SLX4IP: variants seen among roughly 807,000 people sequenced by gnomAD.
SLX4IP encodes the protein SLX4 interacting protein.
A neutral mutation model predicts 32.9 loss-of-function variants in SLX4IP; 34 were observed. That is an observed-to-expected ratio of 1.03 (90% CI 0.79 to 1.38). The LOEUF (loss-of-function observed/expected upper bound fraction) is 1.38, where lower values mean the gene tolerates loss of function less well. Ranked by LOEUF, SLX4IP falls within the 40% of genes most tolerant of loss-of-function variation. The pLI is 0.00. For missense variants in SLX4IP, 444 were observed against 479.0 expected, an observed-to-expected ratio of 0.93 and a Z score of 0.68; for synonymous variants, 172 against 171.7, an observed-to-expected ratio of 1.00 and a Z score of -0.01.
intron 1 of SLX4IP, among the ~76,000 whole-genome samples, chr20:10,437,029 C>CAGCA (rs761352210): frequency 5.9e-5 from 9 of 151,974 alleles, no homozygotes; most frequent in Admixed American, 2.6e-4. Flanking sequence ...TGCATGTGGA[C>CAGCA]AGCAGTTCAA....
chr20:10,587,068 G>T (rs926586512), intron 4 of SLX4IP, among the ~76,000 whole-genome samples: 2 of 151,454 alleles, frequency 1.3e-5, no homozygotes, highest in African/African-American at 4.8e-5. Context: ...AAAAAGAAAA[G>T]AAAAAAACAG....
At chr20:10,504,256 T>C (rs2065741009) in intron 2 of SLX4IP, among the ~76,000 whole-genome samples, 1 of 152,154 alleles carries the variant, frequency 6.6e-6, no homozygotes. Flanking sequence ...GAGACAAGCA[T>C]ACCTTCTGTC....
chr20:10,523,503 GATTA>G (rs2065916362), intron 2 of SLX4IP, among the ~76,000 whole-genome samples: 2 of 152,198 alleles, frequency 1.3e-5, no homozygotes, highest in African/African-American at 4.8e-5. Context: ...TATGGAAGAA[GATTA>G]ATTATAAGAT....
intron 2 of SLX4IP, among the ~76,000 whole-genome samples, chr20:10,549,695 T>G (rs1408344401): frequency 6.6e-6 from 1 of 152,230 alleles, no homozygotes; most frequent in Non-Finnish European, 1.5e-5. Context: ...ACTCACTGCC[T>G]GTGTAATCTT....
chr20:10,535,761 C>T (rs6131105), intron 2 of SLX4IP, among the ~76,000 whole-genome samples: 9 of 152,238 alleles, frequency 5.9e-5, no homozygotes, highest in Non-Finnish European at 1.2e-4. Flanking sequence ...ATCCTCACCC[C>T]TTCACCCAGG....
At chr20:10,470,767 T>C (rs1175358644) in intron 2 of SLX4IP, among the ~76,000 whole-genome samples, 2 of 152,256 alleles carry the variant, frequency 1.3e-5, no homozygotes, top group Non-Finnish European at 2.9e-5. Context: ...CTGATTAGTA[T>C]TGAGATCATG....
intron 6 of SLX4IP, chr20:10,613,681 T>G: frequency 6.2e-7 from 1 of 1,613,836 alleles, no homozygotes; most frequent in South Asian, 1.1e-5. Context: ...GTTGATTCTT[T>G]GACAAAGGCG....
At chr20:10,478,817 C>A in intron 2 of SLX4IP, among the ~76,000 whole-genome samples, 1 of 152,154 alleles carries the variant, frequency 6.6e-6, no homozygotes, top group East Asian at 1.9e-4. Flanking sequence ...ATGAATCTGA[C>A]CAACTCTTCT....
intron 4 of SLX4IP, among the ~76,000 whole-genome samples, chr20:10,566,719 G>A (rs779677201): frequency 2.0e-5 from 3 of 152,154 alleles, no homozygotes; most frequent in Admixed American, 6.5e-5. Flanking sequence ...CTGCAGTTGA[G>A]CTGTGCTTGA....
intron 2 of SLX4IP, among the ~76,000 whole-genome samples, chr20:10,500,613 G>A (rs1008996324): frequency 1.4e-4 from 21 of 152,128 alleles, no homozygotes; most frequent in South Asian, 4.2e-4. Context: ...TTAACCATGC[G>A]TGGTGGTGCA....
chr20:10,621,472 A>C (rs768132491), intron 7 of SLX4IP, 58 bp downstream of exon 7: 14 of 1,469,666 alleles, frequency 9.5e-6, no homozygotes, highest in South Asian at 2.3e-5. Flanking sequence ...ATGGATAGAT[A>C]ACATGAAGTC....
intron 2 of SLX4IP, among the ~76,000 whole-genome samples, chr20:10,513,818 T>G (rs2065829853): frequency 6.6e-6 from 1 of 152,226 alleles, no homozygotes; most frequent in Non-Finnish European, 1.5e-5. Flanking sequence ...TGTGCATCTC[T>G]GTGGGACACC....
At chr20:10,550,545 G>A (rs959626271) in intron 2 of SLX4IP, among the ~76,000 whole-genome samples, 4 of 151,978 alleles carry the variant, frequency 2.6e-5, no homozygotes, top group Non-Finnish European at 5.9e-5. Context: ...TCCTGCAGTG[G>A]CTTTGAACCT....
chr20:10,492,664 T>C (rs765444567), intron 2 of SLX4IP, among the ~76,000 whole-genome samples: 2 of 152,204 alleles, frequency 1.3e-5, no homozygotes, highest in East Asian at 1.9e-4. Context: ...TGGACTGATA[T>C]ATCAGTCTTT....
rs756028407 is a variant in SLX4IP at position 10,621,301 on chromosome 20, T to C, written c.406-13T>C. The C allele has an allele frequency of 1.2e-6, 2 of 1,612,578 alleles. No individual in the cohort carries two copies. The highest frequency in any genetic ancestry group is 2.2e-5 in the South Asian group (2 of 91,064). ...TAGATTTCTGGTTGAACCTTTGTTA[T>C]CTTTTGGAGTAGACAGAAAGAGTTC... On this transcript the variant is annotated splice_polypyrimidine_tract_variant and intron_variant, in intron 6 of 7. Transcript: ENST00000334534.
intron 2 of SLX4IP, among the ~76,000 whole-genome samples, chr20:10,510,347 G>A (rs772646352): frequency 8.5e-5 from 13 of 152,066 alleles, no homozygotes; most frequent in Admixed American, 5.9e-4. Context: ...AGCCCTTAGG[G>A]TGCTAAAGAG....
At chr20:10,487,957 T>C (rs570293548) in intron 2 of SLX4IP, among the ~76,000 whole-genome samples, 3 of 152,280 alleles carry the variant, frequency 2.0e-5, no homozygotes, top group South Asian at 4.1e-4. Context: ...TTGTGAGATA[T>C]CAGTTTTTTG....
intron 2 of SLX4IP, among the ~76,000 whole-genome samples, chr20:10,551,673 G>T (rs1388252512): frequency 2.0e-5 from 3 of 152,158 alleles, no homozygotes; most frequent in Non-Finnish European, 2.9e-5. Flanking sequence ...GGCTGGTCCA[G>T]AGCAGGGAAA....
chr20:10,573,245 C>A (rs2066486799), intron 4 of SLX4IP, among the ~76,000 whole-genome samples: 1 of 152,126 alleles, frequency 6.6e-6, no homozygotes, highest in African/African-American at 2.4e-5. Flanking sequence ...TACTTTTTCC[C>A]TTTTGAGAGC....
Sources: allele counts gnomAD v4.1 joint callset (sites outside exome capture counted in the v4.1 genomes callset), GRCh38; gene constraint gnomAD v4.1.1; transcripts MANE v1.5; gene names NCBI Gene and HGNC (gene_info 2026-07-23, HGNC 2026-07-21).